The following TRPM7 variants were observed in gnomAD, a reference collection of about 807,000 sequenced individuals.
TRPM7 encodes transient receptor potential cation channel subfamily M member 7.
A neutral mutation model predicts 229.7 loss-of-function variants in TRPM7; 134 were observed. The observed-to-expected ratio is 0.58, with a 90% confidence interval of 0.51 to 0.67. TRPM7 has a LOEUF of 0.67. TRPM7 is among the 30% of genes least tolerant of loss of function. TRPM7 has a pLI of 0.00. For synonymous variants in TRPM7, 699 were observed against 715.2 expected, an observed-to-expected ratio of 0.98 and a Z score of 0.36; for missense variants, 1,901 against 2,210.0, an observed-to-expected ratio of 0.86 and a Z score of 2.80.
At chr15:50,602,735 G>A (rs141324180) in intron 21 of TRPM7, among the ~76,000 whole-genome samples, 3 of 152,210 alleles carry the variant, frequency 2.0e-5, no homozygotes, top group Admixed American at 6.5e-5. Flanking sequence ...ACACAATGAC[G>A]AAATAATGAA....
intron 16 of TRPM7, among the ~76,000 whole-genome samples, chr15:50,612,030 C>A (rs1027759323): frequency 2.7e-4 from 41 of 152,172 alleles, no homozygotes; most frequent in Admixed American, 2.1e-3. Flanking sequence ...CTTTCCTTAC[C>A]AATTCAAATG....
chr15:50,658,787 T>C (rs896973101), intron 2 of TRPM7, among the ~76,000 whole-genome samples: 2 of 152,196 alleles, frequency 1.3e-5, no homozygotes, highest in African/African-American at 4.8e-5. Flanking sequence ...ACAAGGTCGT[T>C]GACTGCAGAA....
intron 13 of TRPM7, among the ~76,000 whole-genome samples, chr15:50,617,131 A>T (rs562384746): frequency 1.5e-4 from 20 of 137,352 alleles, no homozygotes; most frequent in African/African-American, 3.3e-4. Flanking sequence ...CTCTACCAAA[A>T]AAATAAATAA....
chr15:50,579,984 G>C (rs913600611), intron 30 of TRPM7, among the ~76,000 whole-genome samples: 1 of 152,068 alleles, frequency 6.6e-6, no homozygotes, highest in South Asian at 2.1e-4. Context: ...ATGTTTCTCA[G>C]GCTGGTCCCC....
intron 13 of TRPM7, among the ~76,000 whole-genome samples, chr15:50,614,664 CAAAA>C (rs59336476): frequency 0.058 from 5,296 of 91,788 alleles, 80 homozygotes; most frequent in African/African-American, 0.14. Context: ...GACTTGGTCT[CAAAA>C]AAAAAAAAAA....
chr15:50,618,846 G>A (rs2060307439), intron 13 of TRPM7, among the ~76,000 whole-genome samples: 1 of 151,902 alleles, frequency 6.6e-6, no homozygotes, highest in African/African-American at 2.4e-5. Flanking sequence ...CCATTGTCTA[G>A]CTCCAACTTG....
At chr15:50,632,606 T>G (rs182190601) in intron 9 of TRPM7, among the ~76,000 whole-genome samples, 2 of 152,334 alleles carry the variant, frequency 1.3e-5, no homozygotes, top group African/African-American at 4.8e-5. Flanking sequence ...ACATTATCTG[T>G]TGAGACCTAG....
intron 10 of TRPM7, among the ~76,000 whole-genome samples, chr15:50,630,074 C>T (rs988966532): frequency 1.3e-5 from 2 of 151,980 alleles, no homozygotes; most frequent in Non-Finnish European, 2.9e-5. Flanking sequence ...GTTGGCCAGG[C>T]TGATCTTGAA....
At position 50,618,671 on chromosome 15, in the gene TRPM7, C is replaced by T. The variant is rs28496592; in HGVS notation, c.1494+1074G>A. Among the ~76,000 whole-genome samples, 530 of 152,106 alleles carry T rather than the reference C, an allele frequency of 3.5e-3. 6 individuals carry two copies. Among genetic ancestry groups the T allele is most frequent in the African/African-American group, 0.012 (515 of 41,484 alleles). ...GGGGTACAAGTATAGATTTCTTACACGCATATGTTATGTAGCGGTGAAGAC... is the reference window on the plus strand; with the variant it reads ...GGGGTACAAGTATAGATTTCTTACATGCATATGTTATGTAGCGGTGAAGAC... On this transcript the variant is annotated intron_variant, in intron 13 of 38. Transcript: ENST00000646667.
chr15:50,649,693 C>T (rs1200812640), intron 3 of TRPM7, among the ~76,000 whole-genome samples: 1 of 152,052 alleles, frequency 6.6e-6, no homozygotes, highest in African/African-American at 2.4e-5. Flanking sequence ...TGGCTTTCTA[C>T]CCAGAAGCAC....
chr15:50,615,036 T>C (rs1181470364), intron 13 of TRPM7, among the ~76,000 whole-genome samples: 2 of 151,718 alleles, frequency 1.3e-5, no homozygotes, highest in African/African-American at 2.4e-5. Flanking sequence ...ATGGGCATGG[T>C]GGCAGGCACC....
intron 25 of TRPM7, 69 bp from the exon 26 acceptor site, chr15:50,592,695 AAAT>A (rs2059536779): frequency 7.2e-6 from 8 of 1,117,430 alleles, no homozygotes; most frequent in Admixed American, 2.5e-5. Flanking sequence ...TTGTAGCCTC[AAAT>A]AATAATGATA....
At chr15:50,589,177 C>T (rs185221296) in intron 27 of TRPM7, among the ~76,000 whole-genome samples, 1 of 152,000 alleles carries the variant, frequency 6.6e-6, no homozygotes, top group Non-Finnish European at 1.5e-5. Flanking sequence ...CAGAAATTAG[C>T]CAGGCATGGT....
chr15:50,667,559 T>C (rs1219824212), intron 1 of TRPM7, among the ~76,000 whole-genome samples: 1 of 152,048 alleles, frequency 6.6e-6, no homozygotes, highest in African/African-American at 2.4e-5. Flanking sequence ...TACAAAAAAT[T>C]AGCTGGGAAT....
At chr15:50,634,615 G>C in intron 7 of TRPM7, 59 bp from the exon 8 acceptor site, 1 of 1,243,538 alleles carries the variant, frequency 8.0e-7, no homozygotes, top group Non-Finnish European at 1.0e-6. Context: ...TTCTCTCCAA[G>C]AAAAAAAAAT....
At chr15:50,564,536 T>C (rs949930990) in intron 38 of TRPM7, among the ~76,000 whole-genome samples, 4 of 151,764 alleles carry the variant, frequency 2.6e-5, no homozygotes, top group African/African-American at 9.7e-5. Context: ...CATTAACATA[T>C]ATATATGTAT....
At chr15:50,625,116 G>A (rs2140589173) in intron 11 of TRPM7, among the ~76,000 whole-genome samples, 1 of 152,086 alleles carries the variant, frequency 6.6e-6, no homozygotes, top group East Asian at 1.9e-4. Context: ...ATGAAATATA[G>A]GTATTTCACT....
rs750381001 is a variant in TRPM7, at chr15:50,662,980, T to C, written c.70A>G (p.Lys24Glu). 2.5e-6 allele frequency: 4 copies of C among 1,613,200 alleles called. No individual in the cohort carries two copies. The highest frequency in any genetic ancestry group is 2.5e-6 in the Non-Finnish European group (3 of 1,179,496). ...AGGTGTGCTTACCTGTGAGGGTCCT[T>C]GGAACTTGGTATAATATATACACAT... Reference protein sequence around the residue: ...RECVYIIPSSKDPHRCLPGCQ... With the variant: ...RECVYIIPSSEDPHRCLPGCQ... Residue 24 changes from lysine to glutamate, a missense_variant, in exon 2 of 39, where the codon AAG (lysine) becomes GAG (glutamate). Physicochemically the swap from Lys to Glu is moderately conservative, Grantham distance 56. Coordinates refer to ENST00000646667, the MANE Select transcript of TRPM7 (RefSeq NM_017672.6).
At chr15:50,589,539 T>A in intron 27 of TRPM7, 53 bp downstream of exon 27, 1 of 1,267,342 alleles carries the variant, frequency 7.9e-7, no homozygotes, top group Non-Finnish European at 1.1e-6. Context: ...GAACTAAACA[T>A]CAAGACAGTA....
Sources: gnomAD v4.1 joint callset for allele counts (sites outside exome capture counted in the v4.1 genomes callset) on GRCh38, gnomAD v4.1.1 for gene constraint, MANE v1.5 for transcripts, NCBI Gene and HGNC (gene_info 2026-07-23, HGNC 2026-07-21) for gene names.